The following ACTL6A variants were observed in gnomAD, a reference collection of about 807,000 sequenced individuals.
ACTL6A encodes actin like 6A, also known as actin-like protein 6A.
A neutral mutation model predicts 59.2 loss-of-function variants in ACTL6A; 5 were observed. The ratio of observed to expected loss-of-function variants is 0.08; its 90% CI spans 0.04 to 0.18. ACTL6A has a LOEUF of 0.18. Among genes scored for constraint, ACTL6A ranks in the 10% least tolerant of loss-of-function variants. ACTL6A has a pLI of 1.00. For synonymous variants in ACTL6A, 154 were observed against 171.8 expected, an observed-to-expected ratio of 0.90 and a Z score of 0.81; for missense variants, 285 against 526.9, an observed-to-expected ratio of 0.54 and a Z score of 4.49.
chr3:179,562,941 C>T lies in ACTL6A; in HGVS notation c.-152C>T, dbSNP rs1419902260. On this transcript the variant is annotated 5_prime_UTR_variant, in exon 1 of 14. Coordinates refer to ENST00000429709, the MANE Select transcript of ACTL6A (RefSeq NM_004301.5). Reference sequence around the variant, plus strand: ...AGGAGCCAGCAAGTGTGGCTGAGCTCCGGGGTGTGTGGACGCCGCTTTGTT... The same window carrying T: ...AGGAGCCAGCAAGTGTGGCTGAGCTTCGGGGTGTGTGGACGCCGCTTTGTT... 2 of 962,040 alleles carry T rather than the reference C, an allele frequency of 2.1e-6. No homozygotes were observed. Among genetic ancestry groups the T allele is most frequent in the Non-Finnish European group, 3.2e-6 (2 of 622,856 alleles). 59.6% of individuals were successfully genotyped at this position (962,040 alleles called of 1,614,324 possible). A position where few individuals can be genotyped will look rare whatever the true frequency, so the allele number is the denominator to read the frequency against.
intron 6 of ACTL6A, 83 bp from the exon 7 acceptor site, chr3:179,576,537 C>A: frequency 9.3e-7 from 1 of 1,076,834 alleles, no homozygotes; most frequent in South Asian, 1.4e-5. Context: ...AAAAGTTATT[C>A]ACATAAATAC....
In ACTL6A at chr3:179,563,112, G is replaced by A. The variant is rs1400445663; in HGVS notation, c.20G>A (p.Gly7Glu). Residue 7 changes from glycine to glutamate, a missense_variant, in exon 1 of 14, where the codon GGG becomes GAG. Physicochemically the swap from Gly to Glu is moderately conservative, Grantham distance 98 (BLOSUM62 -2). Transcript: ENST00000429709. MSGGVY[G>E]GDEVGALVFD... ...GCAGCCATGAGCGGCGGCGTGTACG[G>A]GGGAGGTGAGTGAGTGCGGCCGGAC... 6.2e-7 allele frequency: 1 copy of A among 1,612,440 alleles called. No homozygotes were observed. The highest frequency in any genetic ancestry group is 8.5e-7 in the Non-Finnish European group (1 of 1,179,574).
chr3:179,569,764 T>C, intron 1 of ACTL6A, 60 bp from the exon 2 acceptor site: 1 of 1,453,046 alleles, frequency 6.9e-7, no homozygotes, highest in East Asian at 2.3e-5. Flanking sequence ...TGCAGTGAGC[T>C]GTGATTTTCA....
At chr3:179,576,438 G>T in intron 6 of ACTL6A, 127 bp downstream of exon 6, 1 of 838,276 alleles carries the variant, frequency 1.2e-6, no homozygotes, top group East Asian at 2.7e-5. Context: ...TTTTAAGTAT[G>T]TTAAAAATCT....
intron 3 of ACTL6A, among the ~76,000 whole-genome samples, chr3:179,572,038 G>A (rs976355873): frequency 4.0e-5 from 6 of 151,646 alleles, no homozygotes; most frequent in Non-Finnish European, 5.9e-5. Context: ...AGAACATCCA[G>A]GTGATAATTC....
chr3:179,564,025 T>C (rs192395266), intron 1 of ACTL6A, among the ~76,000 whole-genome samples: 1 of 152,354 alleles, frequency 6.6e-6, no homozygotes, highest in Admixed American at 6.5e-5. Flanking sequence ...AATGAAATAA[T>C]GCTGCATTTG....
chr3:179,576,759 T>TA (rs780193619), intron 7 of ACTL6A, 33 bp downstream of exon 7: 25 of 1,607,598 alleles, frequency 1.6e-5, no homozygotes, highest in Non-Finnish European at 2.0e-5. Context: ...TTGTAGAACT[T>TA]ACTTCTAGCT....
intron 6 of ACTL6A, 43 bp downstream of exon 6, chr3:179,576,354 C>A: frequency 7.3e-7 from 1 of 1,377,896 alleles, no homozygotes; most frequent in Non-Finnish European, 1.0e-6. Flanking sequence ...ATTTTAGATG[C>A]CATGAGGATG....
In ACTL6A at chr3:179,573,243, TC is replaced by T. The variant is rs1718066325; in HGVS notation, c.278-125del. The T allele has an allele frequency of 5.7e-5, 33 of 580,004 alleles. No individual in the cohort carries two copies. In the East Asian group the frequency reaches 1.1e-3, roughly 19 times the overall value. The allele number at this position is 580,004 out of a possible 1,614,324, so 35.9% of individuals were successfully genotyped here. On this transcript the variant is annotated intron_variant, in intron 3 of 13. Coordinates refer to ENST00000429709, the MANE Select transcript of ACTL6A (RefSeq NM_004301.5). ...ATAAAGTAATGTGGTATGAAGTTGA[TC>T]TGTAAAATCAGTAGGTTCTGTATAC...
At chr3:179,581,704 A>G (rs1206317498) in intron 11 of ACTL6A, among the ~76,000 whole-genome samples, 1 of 152,228 alleles carries the variant, frequency 6.6e-6, no homozygotes, top group Non-Finnish European at 1.5e-5. Flanking sequence ...TAACTTTTAC[A>G]TGAAGTTTAT....
chr3:179,565,138 A>G (rs892788163), intron 1 of ACTL6A, among the ~76,000 whole-genome samples: 1 of 152,112 alleles, frequency 6.6e-6, no homozygotes, highest in African/African-American at 2.4e-5. Flanking sequence ...TCAATGAGAG[A>G]TGTTCATTGA....
At chr3:179,571,579 C>T (rs914169020) in intron 3 of ACTL6A, among the ~76,000 whole-genome samples, 5 of 152,082 alleles carry the variant, frequency 3.3e-5, no homozygotes, top group African/African-American at 1.2e-4. Context: ...AAAACAAAAT[C>T]GACAAAGGGA....
chr3:179,564,020 AAT>A (rs754955178), intron 1 of ACTL6A, among the ~76,000 whole-genome samples: 9 of 152,190 alleles, frequency 5.9e-5, no homozygotes, highest in Non-Finnish European at 1.0e-4. Context: ...GGTTAAATGA[AAT>A]AATGCTGCAT....
At position 179,569,915 on chromosome 3, in the gene ACTL6A, A is replaced by G. The variant is rs774103955; in HGVS notation, c.102+15A>G. On this transcript the variant is annotated intron_variant, in intron 2 of 13. Coordinates refer to ENST00000429709, the MANE Select transcript of ACTL6A (RefSeq NM_004301.5). Reference sequence around the variant, plus strand: ...ACTGCCCCAAGGTAAGTGTAATGTTAGAGTTAATTGGATATGTAAAGCCAT... The same window carrying G: ...ACTGCCCCAAGGTAAGTGTAATGTTGGAGTTAATTGGATATGTAAAGCCAT... The G allele has an allele frequency of 9.3e-6, 15 of 1,611,072 alleles. 1 individual carries two copies. The South Asian group carries it at 1.7e-4, about 18-fold the overall frequency.
intron 13 of ACTL6A, 32 bp downstream of exon 13, chr3:179,586,664 C>G: frequency 6.7e-7 from 1 of 1,500,068 alleles, no homozygotes; most frequent in Non-Finnish European, 9.1e-7. Context: ...CAAAAATATT[C>G]TTACTGAATT....
chr3:179,582,586 A>G (rs1718369219), intron 11 of ACTL6A, among the ~76,000 whole-genome samples: 1 of 152,226 alleles, frequency 6.6e-6, no homozygotes, highest in South Asian at 2.1e-4. Flanking sequence ...ATAATTGTCT[A>G]ATTTTGAATA....
At chr3:179,572,979 T>C (rs895479816) in intron 3 of ACTL6A, among the ~76,000 whole-genome samples, 3 of 121,310 alleles carry the variant, frequency 2.5e-5, no homozygotes, top group Non-Finnish European at 5.9e-5. Flanking sequence ...CATACAATTC[T>C]TTCTTTTTTT....
In ACTL6A at chr3:179,581,214, C is replaced by T; in HGVS notation, c.1020C>T (p.Ile340=). 6.2e-7 allele frequency: 1 copy of T among 1,612,206 alleles called. No homozygotes were observed. The highest frequency in any genetic ancestry group is 8.5e-7 in the Non-Finnish European group (1 of 1,178,270). The change falls in exon 11 of 14, where the codon ATC becomes ATT. Residue 340 remains isoleucine, a synonymous_variant. Transcript: ENST00000429709. Reference sequence around the variant, plus strand: ...GTGTTGGGATGTGTGATATTGACATCAGACCAGTAAGTGCCAGTCTCCTGT... The same window carrying T: ...GTGTTGGGATGTGTGATATTGACATTAGACCAGTAAGTGCCAGTCTCCTGT... ...TTSVGMCDID[I]RPGLYGSVIV...
At chr3:179,568,234 G>A (rs907311045) in intron 1 of ACTL6A, among the ~76,000 whole-genome samples, 4 of 150,206 alleles carry the variant, frequency 2.7e-5, no homozygotes, top group Admixed American at 6.6e-5. Context: ...ACTGATACTT[G>A]CAAAGTAATG....
Sources: allele counts gnomAD v4.1 joint callset (sites outside exome capture counted in the v4.1 genomes callset), GRCh38; gene constraint gnomAD v4.1.1; transcripts MANE v1.5; gene names NCBI Gene and HGNC (gene_info 2026-07-23, HGNC 2026-07-21).